IPPK: variants seen among roughly 807,000 people sequenced by gnomAD.
IPPK encodes the protein inositol-pentakisphosphate 2-kinase.
In IPPK, 22 loss-of-function variants were observed where a neutral mutation model predicts 64.6. That is an observed-to-expected ratio of 0.34 (90% CI 0.24 to 0.49). IPPK has a LOEUF of 0.49. IPPK is among the 20% of genes least tolerant of loss of function. The pLI is 0.99. For missense variants in IPPK, 532 were observed against 630.7 expected, an observed-to-expected ratio of 0.84 and a Z score of 1.68; for synonymous variants, 262 against 247.2, an observed-to-expected ratio of 1.06 and a Z score of -0.56.
chr9:92,635,042 G>C lies in IPPK; in HGVS notation c.1067+116C>G. ...TGGGAGCGGAGGACTGGGGTAGGAA[G>C]TGGCCGGCATGCTTCATCCTCCTGG... On this transcript the variant is annotated intron_variant, in intron 10 of 12. Coordinates refer to ENST00000287996, the MANE Select transcript of IPPK (RefSeq NM_022755.6). The surrounding 1 kb of genome is among the most constrained non-coding windows in gnomAD (Gnocchi z 4.4). 1 of 1,022,680 alleles carries C rather than the reference G, an allele frequency of 9.8e-7. No individual in the cohort carries two copies. Among genetic ancestry groups the C allele is most frequent in the Non-Finnish European group, 1.4e-6 (1 of 704,324 alleles). 63.4% of individuals were successfully genotyped at this position (1,022,680 alleles called of 1,614,324 possible).
intron 11 of IPPK, among the ~76,000 whole-genome samples, chr9:92,633,233 A>C (rs1008173608): frequency 6.6e-6 from 1 of 151,860 alleles, no homozygotes; most frequent in Non-Finnish European, 1.5e-5. Context: ...GGATGGTCTC[A>C]ATCTCCTGAC....
At chr9:92,648,272 G>T in intron 5 of IPPK, 124 bp from the exon 6 acceptor site, 1 of 724,376 alleles carries the variant, frequency 1.4e-6, no homozygotes, top group Non-Finnish European at 2.3e-6. Context: ...GGCCCCAGAA[G>T]CTGTTTTCAT....
chr9:92,616,092 G>T, intron 12 of IPPK, 35 bp from the exon 13 acceptor site: 1 of 1,451,218 alleles, frequency 6.9e-7, no homozygotes, highest in Non-Finnish European at 9.6e-7. Context: ...GGATACACAA[G>T]CCCCCCATTC....
intron 3 of IPPK, among the ~76,000 whole-genome samples, chr9:92,655,598 A>C (rs1047067344): frequency 6.6e-6 from 1 of 152,138 alleles, no homozygotes; most frequent in African/African-American, 2.4e-5. Flanking sequence ...CTCGAGTCTA[A>C]TCCCATGCCC....
At chr9:92,618,006 G>A in intron 12 of IPPK, 1 of 346,860 alleles carries the variant, frequency 2.9e-6, no homozygotes, top group South Asian at 2.2e-5. Flanking sequence ...TTTAGTCTCA[G>A]GTCTACCAGG....
chr9:92,625,243 A>G (rs912981371), intron 11 of IPPK, among the ~76,000 whole-genome samples: 1 of 152,242 alleles, frequency 6.6e-6, no homozygotes, highest in Non-Finnish European at 1.5e-5. Flanking sequence ...AAATATTAGT[A>G]ATATCTAGTG....
At position 92,635,039 on chromosome 9, in the gene IPPK, G is replaced by A. The variant is rs2131433427; in HGVS notation, c.1067+119C>T. On this transcript the variant is annotated intron_variant, in intron 10 of 12. Coordinates refer to ENST00000287996, the MANE Select transcript of IPPK (RefSeq NM_022755.6). This position sits in a 1 kb window ranked among gnomAD's most constrained non-coding sequence, Gnocchi z 4.4. ...ACCTGGGAGCGGAGGACTGGGGTAG[G>A]AAGTGGCCGGCATGCTTCATCCTCC... The A allele has an allele frequency of 1.0e-6, 1 of 965,064 alleles. No individual in the cohort carries two copies. The highest frequency in any genetic ancestry group is 1.8e-5 in the South Asian group (1 of 54,796). 59.8% of individuals were successfully genotyped at this position (965,064 alleles called of 1,614,324 possible).
intron 1 of IPPK, among the ~76,000 whole-genome samples, chr9:92,667,627 T>C (rs1051375731): frequency 5.3e-5 from 8 of 152,064 alleles, no homozygotes; most frequent in Non-Finnish European, 7.4e-5. Context: ...AGATTTAAAA[T>C]AAAAAATGAG....
At chr9:92,626,164 G>A (rs1341566278) in intron 11 of IPPK, among the ~76,000 whole-genome samples, 1 of 152,192 alleles carries the variant, frequency 6.6e-6, no homozygotes, top group Non-Finnish European at 1.5e-5. Context: ...TTGGGAGGCT[G>A]AGGTGGGCGG....
At chr9:92,629,661 T>C (rs564080471) in intron 11 of IPPK, among the ~76,000 whole-genome samples, 27 of 149,492 alleles carry the variant, frequency 1.8e-4, no homozygotes, top group African/African-American at 6.6e-4. Context: ...GAGGCTGAGA[T>C]TGCACTACTG....
intron 4 of IPPK, among the ~76,000 whole-genome samples, chr9:92,650,111 C>T (rs936497659): frequency 4.0e-5 from 6 of 151,212 alleles, no homozygotes; most frequent in African/African-American, 1.5e-4. Context: ...ATCATGAGGT[C>T]AAGAGATCAA....
intron 5 of IPPK, among the ~76,000 whole-genome samples, chr9:92,648,769 G>C (rs75822575): frequency 0.012 from 1,778 of 152,330 alleles, 30 homozygotes; most frequent in African/African-American, 0.039. Flanking sequence ...TGGAGGAGGG[G>C]AACAAAGGCC....
At chr9:92,658,833 G>C (rs1474267176) in intron 1 of IPPK, 152 bp from the exon 2 acceptor site, 8 of 671,784 alleles carry the variant, frequency 1.2e-5, no homozygotes, top group Non-Finnish European at 1.8e-5. Flanking sequence ...GGGAGGCCAG[G>C]GCTGGGACCC....
chr9:92,642,906 T>A, intron 6 of IPPK, 96 bp from the exon 7 acceptor site: 1 of 999,564 alleles, frequency 1.0e-6, no homozygotes, highest in Non-Finnish European at 1.6e-6. Flanking sequence ...ATGAAGACAA[T>A]GAAGACGAGC....
chr9:92,664,977 G>A (rs370396360), intron 1 of IPPK, among the ~76,000 whole-genome samples: 5 of 152,186 alleles, frequency 3.3e-5, no homozygotes, highest in African/African-American at 9.7e-5. Context: ...CCCCGTGCAC[G>A]AGAGGCACTG....
chr9:92,652,060 A>G (rs963740596), intron 4 of IPPK, among the ~76,000 whole-genome samples: 2 of 152,064 alleles, frequency 1.3e-5, no homozygotes, highest in African/African-American at 4.8e-5. Context: ...TCTTCATCAC[A>G]TATTCTGTGC....
At chr9:92,618,757 A>C (rs1588329934) in intron 12 of IPPK, 1 of 357,618 alleles carries the variant, frequency 2.8e-6, no homozygotes, top group Middle Eastern at 1.0e-3. Flanking sequence ...AGGGAACAGG[A>C]ATCCTGGGAA....
At chr9:92,619,193 C>T (rs554610809) in intron 12 of IPPK, 3 of 352,702 alleles carry the variant, frequency 8.5e-6, no homozygotes, top group African/African-American at 6.2e-5. Context: ...ATGGGCAGCT[C>T]ACTGTCCACA....
intron 11 of IPPK, among the ~76,000 whole-genome samples, chr9:92,620,712 AG>A (rs1851603508): frequency 6.6e-6 from 1 of 152,164 alleles, no homozygotes; most frequent in Non-Finnish European, 1.5e-5. Flanking sequence ...AGAACCTCAA[AG>A]CACGGATTTA....
Sources: gnomAD v4.1 joint callset for allele counts (sites outside exome capture counted in the v4.1 genomes callset) on GRCh38, gnomAD v4.1.1 for gene constraint, Gnocchi (gnomAD v3.1) non-coding constraint, MANE v1.5 for transcripts, NCBI Gene and HGNC (gene_info 2026-07-23, HGNC 2026-07-21) for gene names.